SH3GLB1: variants seen among roughly 807,000 people sequenced by gnomAD.
The protein encoded by SH3GLB1 is endophilin-B1.
In SH3GLB1, 17 loss-of-function variants were observed where a neutral mutation model predicts 42.0. The observed-to-expected ratio is 0.40, with a 90% confidence interval of 0.28 to 0.61. The LOEUF is 0.61. Ranked by LOEUF, SH3GLB1 falls within the 20% of genes least tolerant of loss-of-function variation. The pLI, the probability that SH3GLB1 is intolerant of heterozygous loss-of-function variation, is 0.36. For missense variants in SH3GLB1, 355 were observed against 426.3 expected, an observed-to-expected ratio of 0.83 and a Z score of 1.47; for synonymous variants, 132 against 146.6, an observed-to-expected ratio of 0.90 and a Z score of 0.72.
At position 86,717,333 on chromosome 1, in the gene SH3GLB1, A is replaced by G. The variant is rs577638455; in HGVS notation, c.214+1468A>G. Among the ~76,000 whole-genome samples the G allele has an allele frequency of 5.3e-5, 8 of 152,328 alleles. 1 individual carries two copies. The highest frequency in any genetic ancestry group is 1.7e-4 in the African/African-American group (7 of 41,572). ...CACAACTGGTAAACAGGGAAATAAA[A>G]TACAATTTCCTCCTGCCCCTGTTTT... On this transcript the variant is annotated intron_variant, in intron 2 of 8. Coordinates refer to ENST00000370558, the MANE Select transcript of SH3GLB1 (RefSeq NM_016009.5).
intron 5 of SH3GLB1, among the ~76,000 whole-genome samples, chr1:86,724,891 AAAT>A (rs1324005867): frequency 6.5e-5 from 8 of 122,694 alleles, no homozygotes; most frequent in African/African-American, 3.1e-4. Flanking sequence ...AAAAAAAAAA[AAAT>A]ATATATATAT....
intron 6 of SH3GLB1, 58 bp downstream of exon 6, chr1:86,734,749 A>G (rs569582971): frequency 3.0e-6 from 4 of 1,320,626 alleles, no homozygotes; most frequent in South Asian, 1.2e-5. Context: ...TCCTAAGGCA[A>G]TTTTGGGAGG....
chr1:86,724,943 A>G (rs888473489), intron 5 of SH3GLB1, among the ~76,000 whole-genome samples: 1 of 143,230 alleles, frequency 7.0e-6, no homozygotes, highest in Non-Finnish European at 1.5e-5. Context: ...GTGTGTATAT[A>G]TATAAAATAT....
At chr1:86,741,689 T>C (rs949660859) in intron 7 of SH3GLB1, among the ~76,000 whole-genome samples, 1 of 152,206 alleles carries the variant, frequency 6.6e-6, no homozygotes, top group African/African-American at 2.4e-5. Flanking sequence ...ATGCTGAACA[T>C]GTAGATACAA....
intron 1 of SH3GLB1, among the ~76,000 whole-genome samples, chr1:86,708,091 A>T (rs755317970): frequency 6.6e-6 from 1 of 152,224 alleles, no homozygotes; most frequent in Non-Finnish European, 1.5e-5. Context: ...ATTTTCCATA[A>T]TACTTTTTTA....
rs1656154923 is a variant in SH3GLB1, at chr1:86,743,326, A to C, written c.*91A>C. ...AGCAGGTTAAGTATCTTCCATGTTAATGTGTTAAGAGACTGAAAATACCAG... is the reference window on the plus strand; with the variant it reads ...AGCAGGTTAAGTATCTTCCATGTTACTGTGTTAAGAGACTGAAAATACCAG... On this transcript the variant is annotated 3_prime_UTR_variant, in exon 9 of 9. Transcript: ENST00000370558. 1 of 797,164 alleles carries C rather than the reference A, an allele frequency of 1.3e-6. No individual in the cohort carries two copies. Among genetic ancestry groups the C allele is most frequent in the Admixed American group, 3.2e-5 (1 of 31,220 alleles). 49.4% of individuals were successfully genotyped at this position (797,164 alleles called of 1,614,324 possible).
chr1:86,706,498 T>C (rs1472641673), intron 1 of SH3GLB1, among the ~76,000 whole-genome samples: 1 of 152,234 alleles, frequency 6.6e-6, no homozygotes, highest in African/African-American at 2.4e-5. Flanking sequence ...GTTGAGCCTT[T>C]ATAGTTAAAA....
intron 7 of SH3GLB1, among the ~76,000 whole-genome samples, chr1:86,736,166 A>T (rs1655767508): frequency 6.6e-6 from 1 of 152,244 alleles, no homozygotes; most frequent in South Asian, 2.1e-4. Flanking sequence ...AGAGGAGTTA[A>T]GCAGGGTCAT....
intron 2 of SH3GLB1, among the ~76,000 whole-genome samples, chr1:86,718,594 G>T (rs1311114268): frequency 1.3e-5 from 2 of 152,136 alleles, no homozygotes; most frequent in African/African-American, 4.8e-5. Context: ...TGCACTGTGT[G>T]AAACTTCCGC....
Position 86,743,290 on chromosome 1 carries a change from A to G in SH3GLB1, c.*55A>G. The G allele has an allele frequency of 8.3e-7, 1 of 1,205,628 alleles. No homozygotes were observed. Among genetic ancestry groups the G allele is most frequent in the Non-Finnish European group, 1.2e-6 (1 of 860,268 alleles). The allele number at this position is 1,205,628 out of a possible 1,614,324, so 74.7% of individuals were successfully genotyped here. On this transcript the variant is annotated 3_prime_UTR_variant, in exon 9 of 9. Transcript: ENST00000370558. ...ATGACTTTGTATTTATATACAATTAACTCTAAATAAAGCAGGTTAAGTATC... is the reference window on the plus strand; with the variant it reads ...ATGACTTTGTATTTATATACAATTAGCTCTAAATAAAGCAGGTTAAGTATC...
At chr1:86,739,551 A>G (rs1486435965) in intron 7 of SH3GLB1, among the ~76,000 whole-genome samples, 1 of 152,136 alleles carries the variant, frequency 6.6e-6, no homozygotes, top group Non-Finnish European at 1.5e-5. Flanking sequence ...CTCGGAGGAG[A>G]GGAATTGTGA....
intron 5 of SH3GLB1, among the ~76,000 whole-genome samples, chr1:86,730,748 C>T (rs61802924): frequency 0.046 from 6,948 of 152,200 alleles, 231 homozygotes; most frequent in Non-Finnish European, 0.063. Context: ...GTGATCAACC[C>T]ACCTTTGCCT....
At chr1:86,707,971 GA>G (rs1653970180) in intron 1 of SH3GLB1, among the ~76,000 whole-genome samples, 1 of 152,028 alleles carries the variant, frequency 6.6e-6, no homozygotes, top group Non-Finnish European at 1.5e-5. Context: ...TATTTCAAAA[GA>G]AAAAAACAGA....
chr1:86,727,776 T>C (rs937260625), intron 5 of SH3GLB1, among the ~76,000 whole-genome samples: 20 of 152,220 alleles, frequency 1.3e-4, no homozygotes, highest in African/African-American at 4.6e-4. Flanking sequence ...TTTAGACCTC[T>C]GTTAATTTTG....
rs528619633 is a variant in SH3GLB1, at chr1:86,745,195, C to T, written c.*1960C>T. On this transcript the variant is annotated 3_prime_UTR_variant, in exon 9 of 9. Coordinates refer to ENST00000370558, the MANE Select transcript of SH3GLB1 (RefSeq NM_016009.5). ...CTCACATATTGTGCTCTTTAAGCTT[C>T]AAATGAGATGTATAACTGCCTTTTC... The T allele has an allele frequency of 1.3e-5, 2 of 152,286 alleles. No individual in the cohort carries two copies. The highest frequency in any genetic ancestry group is 2.4e-5 in the African/African-American group (1 of 41,574). The allele number at this position is 152,286 out of a possible 1,614,324, so 9.4% of individuals were successfully genotyped here.
At chr1:86,714,536 C>T (rs945231199) in intron 1 of SH3GLB1, among the ~76,000 whole-genome samples, 13 of 152,210 alleles carry the variant, frequency 8.5e-5, no homozygotes, top group African/African-American at 2.9e-4. Flanking sequence ...GAGATTGTAA[C>T]CAGAAGTCTA....
At chr1:86,724,657 G>A (rs1233442970) in intron 5 of SH3GLB1, among the ~76,000 whole-genome samples, 1 of 151,744 alleles carries the variant, frequency 6.6e-6, no homozygotes, top group Non-Finnish European at 1.5e-5. Flanking sequence ...CAGATGGCTT[G>A]AGCCCAGGAG....
At position 86,744,669 on chromosome 1, in the gene SH3GLB1, C is replaced by T. The variant is rs1656213964; in HGVS notation, c.*1434C>T. ...GTTCATTTATTGAGGGAATGTTAAGCTATTAAAATGATACTTTTTGGTACT... is the reference window on the plus strand; with the variant it reads ...GTTCATTTATTGAGGGAATGTTAAGTTATTAAAATGATACTTTTTGGTACT... On this transcript the variant is annotated 3_prime_UTR_variant, in exon 9 of 9. Transcript: ENST00000370558. The T allele has an allele frequency of 6.6e-6, 1 of 152,144 alleles. No homozygotes were observed. Among genetic ancestry groups the T allele is most frequent in the Non-Finnish European group, 1.5e-5 (1 of 68,030 alleles). 9.4% of individuals were successfully genotyped at this position (152,144 alleles called of 1,614,324 possible). A position where few individuals can be genotyped will look rare whatever the true frequency, so the allele number is the denominator to read the frequency against.
chr1:86,733,567 A>G lies in SH3GLB1; in HGVS notation c.571-1035A>G, dbSNP rs922292363. On this transcript the variant is annotated intron_variant, in intron 5 of 8. Coordinates refer to ENST00000370558, the MANE Select transcript of SH3GLB1 (RefSeq NM_016009.5). ...ATGATGTAACCAATGATAATTCCCA[A>G]TGGGAGAAAAGCTAACTATTCTGAG... Among the ~76,000 whole-genome samples the G allele has an allele frequency of 6.7e-4, 102 of 152,204 alleles. 1 individual carries two copies. Among genetic ancestry groups the G allele is most frequent in the African/African-American group, 2.3e-3 (97 of 41,442 alleles).
Sources: gnomAD v4.1 joint callset for allele counts (sites outside exome capture counted in the v4.1 genomes callset) on GRCh38, gnomAD v4.1.1 for gene constraint, MANE v1.5 for transcripts, NCBI Gene and HGNC (gene_info 2026-07-23, HGNC 2026-07-21) for gene names.